GRID2: variants seen among roughly 807,000 people sequenced by gnomAD.
GRID2 encodes the protein glutamate receptor ionotropic, delta-2.
Under a neutral mutation model 114.8 loss-of-function variants are expected in GRID2, and 33 were observed. The observed-to-expected ratio is 0.29, with a 90% CI of 0.22 to 0.38. The LOEUF is 0.38. Among genes scored for constraint, GRID2 ranks in the 10% least tolerant of loss-of-function variants. GRID2 has a pLI of 1.00. For synonymous variants in GRID2, 505 were observed against 449.9 expected (o/e 1.12, Z -1.55); for missense variants, 1,184 against 1,257.7 (o/e 0.94, Z 0.89).
intron 4 of GRID2, among the ~76,000 whole-genome samples, chr4:93,152,118 T>G (rs370285165): frequency 6.6e-6 from 1 of 152,116 alleles, no homozygotes; most frequent in Non-Finnish European, 1.5e-5. Context: ...GCAATCAAAT[T>G]TTCTTTGTTT....
intron 2 of GRID2, among the ~76,000 whole-genome samples, chr4:92,957,663 C>T (rs1054385515): frequency 2.6e-5 from 4 of 151,698 alleles, no homozygotes; most frequent in South Asian, 2.1e-4. Flanking sequence ...TAAAAACTTC[C>T]GAATCATTTA....
At position 93,783,171 on chromosome 4, in the gene GRID2, A is replaced by G. The variant is rs571055588; in HGVS notation, c.221+13721A>G. 1.1e-4 allele frequency among the ~76,000 whole-genome samples: 16 copies of G among 152,364 alleles called. 1 individual carries two copies. Among genetic ancestry groups the G allele is most frequent in the African/African-American group, 3.8e-4 (16 of 41,590 alleles). On this transcript the variant is annotated intron_variant, in intron 1 of 1. Transcript: ENST00000637838. ...TGTTTGTCCTCGTGGGAGGGAAGGC[A>G]TGCTGACCAGGTGCCAGGCTCAGTG...
At chr4:92,888,307 G>T (rs554160293) in intron 2 of GRID2, among the ~76,000 whole-genome samples, 166 of 152,124 alleles carry the variant, frequency 1.1e-3, no homozygotes, top group African/African-American at 3.1e-3. Context: ...AGAGGTTTTT[G>T]GGGGGTAGTA....
intron 1 of GRID2, among the ~76,000 whole-genome samples, chr4:93,789,798 T>C (rs932234257): frequency 1.3e-5 from 2 of 152,110 alleles, no homozygotes; most frequent in African/African-American, 4.8e-5. Flanking sequence ...ATTTAAGAAA[T>C]ATATGAACCT....
intron 1 of GRID2, among the ~76,000 whole-genome samples, chr4:92,513,230 C>T (rs985968975): frequency 2.0e-5 from 3 of 151,822 alleles, no homozygotes; most frequent in African/African-American, 4.8e-5. Flanking sequence ...GACATTACAA[C>T]ATTATTATTC....
intron 11 of GRID2, among the ~76,000 whole-genome samples, chr4:93,459,007 C>T (rs949692657): frequency 2.6e-5 from 4 of 151,630 alleles, no homozygotes; most frequent in Non-Finnish European, 4.4e-5. Context: ...TGGTGAAACA[C>T]CATCTCTGCT....
intron 12 of GRID2, among the ~76,000 whole-genome samples, chr4:93,508,048 C>A (rs1728805296): frequency 6.6e-6 from 1 of 151,912 alleles, no homozygotes; most frequent in South Asian, 2.1e-4. Context: ...AGGAGATATA[C>A]CTAATGCTAA....
intron 2 of GRID2, among the ~76,000 whole-genome samples, chr4:92,831,166 C>G (rs966514257): frequency 6.6e-6 from 1 of 152,054 alleles, no homozygotes; most frequent in Non-Finnish European, 1.5e-5. Context: ...TTCCATGTAA[C>G]AAAAAATAGA....
chr4:93,107,119 C>CA (rs1174640036), intron 3 of GRID2, among the ~76,000 whole-genome samples: 1 of 151,978 alleles, frequency 6.6e-6, no homozygotes, highest in Non-Finnish European at 1.5e-5. Flanking sequence ...GCCAACATGG[C>CA]AAAACCCTGT....
intron 1 of GRID2, among the ~76,000 whole-genome samples, chr4:92,456,110 AG>A (rs1721199575): frequency 6.6e-6 from 1 of 152,128 alleles, no homozygotes; most frequent in Non-Finnish European, 1.5e-5. Context: ...AAAGTGCTAA[AG>A]GTATTTCTCA....
At chr4:93,002,594 A>C (rs1221846054) in intron 2 of GRID2, among the ~76,000 whole-genome samples, 1 of 151,846 alleles carries the variant, frequency 6.6e-6, no homozygotes, top group Non-Finnish European at 1.5e-5. Context: ...ATATCAAATT[A>C]AGTAGATGAA....
At chr4:93,729,605 G>A (rs1320988714) in intron 14 of GRID2, among the ~76,000 whole-genome samples, 2 of 151,796 alleles carry the variant, frequency 1.3e-5, no homozygotes, top group Admixed American at 1.3e-4. Context: ...GAGTGCAGTG[G>A]CACGATCTTG....
chr4:92,758,176 C>CT (rs538328618), intron 2 of GRID2, among the ~76,000 whole-genome samples: 1 of 151,922 alleles, frequency 6.6e-6, no homozygotes, highest in Non-Finnish European at 1.5e-5. Flanking sequence ...GCTTGTTTGC[C>CT]TTTTTTTCTT....
At chr4:92,408,431 C>CTTTTTTTTTTTTTTT (rs35638036) in intron 1 of GRID2, among the ~76,000 whole-genome samples, 5 of 19,396 alleles carry the variant, frequency 2.6e-4, no homozygotes, top group East Asian at 2.3e-3. Context: ...TATTCAAGCT[C>CTTTTTTTTTTTTTTT]TTTTTTTTTT....
At chr4:93,385,745 C>A (rs1764255214) in intron 8 of GRID2, among the ~76,000 whole-genome samples, 1 of 151,978 alleles carries the variant, frequency 6.6e-6, no homozygotes, top group Non-Finnish European at 1.5e-5. Context: ...ATAAACCCAA[C>A]CACTAATAAG....
At chr4:92,974,406 T>A (rs1753720884) in intron 2 of GRID2, among the ~76,000 whole-genome samples, 1 of 152,108 alleles carries the variant, frequency 6.6e-6, no homozygotes, top group South Asian at 2.1e-4. Flanking sequence ...ATTGTGGCAC[T>A]GTTCACAATA....
intron 2 of GRID2, among the ~76,000 whole-genome samples, chr4:92,660,695 C>T (rs1191236472): frequency 6.6e-6 from 1 of 151,118 alleles, no homozygotes; most frequent in Admixed American, 6.6e-5. Context: ...CTTTATATCA[C>T]CTCATACTTA....
At chr4:92,773,611 G>T (rs891870555) in intron 2 of GRID2, among the ~76,000 whole-genome samples, 1 of 151,724 alleles carries the variant, frequency 6.6e-6, no homozygotes, top group Non-Finnish European at 1.5e-5. Flanking sequence ...AATGTATAAT[G>T]TTATCAAATA....
intron 2 of GRID2, among the ~76,000 whole-genome samples, chr4:92,688,653 C>G (rs1388458015): frequency 6.6e-6 from 1 of 152,172 alleles, no homozygotes; most frequent in Admixed American, 6.5e-5. Flanking sequence ...TTTTACTTCT[C>G]TTGCTGTTTC....
Sources: allele counts gnomAD v4.1 joint callset (sites outside exome capture counted in the v4.1 genomes callset), GRCh38; gene constraint gnomAD v4.1.1; transcripts MANE v1.5; gene names NCBI Gene and HGNC (gene_info 2026-07-23, HGNC 2026-07-21).